The following RYR2 variants were observed in gnomAD, a reference collection of about 807,000 sequenced individuals.
RYR2 encodes the protein ryanodine receptor 2.
In RYR2, 227 loss-of-function variants were observed where a neutral mutation model predicts 601.1. The observed-to-expected ratio is 0.38, with a 90% confidence interval of 0.34 to 0.42. The LOEUF is 0.42. RYR2 is among the 10% of genes least tolerant of loss of function. RYR2 has a pLI of 1.00. For missense variants in RYR2, 4,646 were observed against 6,156.5 expected (o/e 0.75, Z 8.21); for synonymous variants, 2,223 against 2,175.1 (o/e 1.02, Z -0.61).
intron 17 of RYR2, among the ~76,000 whole-genome samples, chr1:237,484,288 T>C (rs747831798): frequency 5.5e-4 from 83 of 152,150 alleles, no homozygotes; most frequent in Non-Finnish European, 9.4e-4. Context: ...TCCACATACA[T>C]CTTGGTGTTC....
intron 47 of RYR2, 78 bp from the exon 48 acceptor site, chr1:237,643,249 A>G: frequency 6.4e-7 from 1 of 1,557,726 alleles, no homozygotes; most frequent in Non-Finnish European, 8.7e-7. Flanking sequence ...CTTGGATTCC[A>G]ATACTTCAGA....
intron 6 of RYR2, among the ~76,000 whole-genome samples, chr1:237,371,279 C>T (rs928044779): frequency 1.3e-5 from 2 of 152,118 alleles, no homozygotes; most frequent in African/African-American, 2.4e-5. Context: ...CTTCAACCTC[C>T]TGTGTAGCTA....
intron 1 of RYR2, among the ~76,000 whole-genome samples, chr1:237,056,319 G>A (rs923795598): frequency 7.0e-5 from 10 of 142,860 alleles, no homozygotes; most frequent in African/African-American, 2.6e-4. Flanking sequence ...GTGAGGACTG[G>A]AGCACTGCAC....
At chr1:237,302,635 A>T (rs900832443) in intron 2 of RYR2, among the ~76,000 whole-genome samples, 3 of 152,226 alleles carry the variant, frequency 2.0e-5, no homozygotes, top group Non-Finnish European at 2.9e-5. Context: ...GGCTTAGGAA[A>T]TAACAGGAAC....
chr1:237,163,776 G>C (rs1342283616), intron 1 of RYR2, among the ~76,000 whole-genome samples: 1 of 152,182 alleles, frequency 6.6e-6, no homozygotes, highest in African/African-American at 2.4e-5. Context: ...ACAATTGAGA[G>C]GTCTAGACTT....
intron 35 of RYR2, among the ~76,000 whole-genome samples, chr1:237,607,379 A>C (rs1677252128): frequency 6.7e-6 from 1 of 149,466 alleles, no homozygotes. Flanking sequence ...AACAATGAAA[A>C]CACTTGGACA....
chr1:237,205,815 A>G (rs1681749354), intron 1 of RYR2, among the ~76,000 whole-genome samples: 1 of 152,218 alleles, frequency 6.6e-6, no homozygotes, highest in Non-Finnish European at 1.5e-5. Context: ...TGCACTGGGC[A>G]GAGAGCCGTG....
intron 5 of RYR2, among the ~76,000 whole-genome samples, chr1:237,367,472 T>G (rs1431888927): frequency 6.6e-6 from 1 of 152,200 alleles, no homozygotes; most frequent in Non-Finnish European, 1.5e-5. Context: ...TCTGAGTTTT[T>G]TCAAACAAAA....
At chr1:237,275,236 G>A (rs977833899) in intron 2 of RYR2, among the ~76,000 whole-genome samples, 1 of 151,566 alleles carries the variant, frequency 6.6e-6, no homozygotes, top group Admixed American at 6.6e-5. Context: ...GGAGAATTGA[G>A]GCCAAAGTGT....
At chr1:237,384,090 T>C (rs1483307719) in intron 8 of RYR2, among the ~76,000 whole-genome samples, 1 of 152,210 alleles carries the variant, frequency 6.6e-6, no homozygotes, top group African/African-American at 2.4e-5. Flanking sequence ...AGCAGCAAAA[T>C]TGGAAGCATT....
At chr1:237,311,406 T>C (rs1313688647) in intron 2 of RYR2, among the ~76,000 whole-genome samples, 1 of 152,084 alleles carries the variant, frequency 6.6e-6, no homozygotes. Flanking sequence ...GTCATTACAG[T>C]GAGACATTTA....
chr1:237,247,291 T>C (rs1686950165), intron 1 of RYR2, among the ~76,000 whole-genome samples: 1 of 152,220 alleles, frequency 6.6e-6, no homozygotes, highest in African/African-American at 2.4e-5. Flanking sequence ...AAAAACTGCC[T>C]TTTCGCTACA....
chr1:237,531,062 T>C (rs1572742234), intron 25 of RYR2, among the ~76,000 whole-genome samples: 1 of 152,220 alleles, frequency 6.6e-6, no homozygotes, highest in East Asian at 1.9e-4. Context: ...AAAATTGTGT[T>C]ATTTTCCCAG....
At chr1:237,318,922 A>G (rs1017508294) in intron 2 of RYR2, among the ~76,000 whole-genome samples, 1 of 151,874 alleles carries the variant, frequency 6.6e-6, no homozygotes. Context: ...TTTCTCTCCT[A>G]TTCTTCTGAG....
intron 64 of RYR2, among the ~76,000 whole-genome samples, chr1:237,699,465 A>G (rs1687773717): frequency 6.6e-6 from 1 of 152,180 alleles, no homozygotes; most frequent in African/African-American, 2.4e-5. Context: ...ACGAATTCCC[A>G]TCTGTGTGCT....
At chr1:237,273,558 A>AGT (rs376513306) in intron 2 of RYR2, among the ~76,000 whole-genome samples, 1 of 151,562 alleles carries the variant, frequency 6.6e-6, no homozygotes, top group East Asian at 1.9e-4. Flanking sequence ...TTTAGGGGAG[A>AGT]GTGTCTTATG....
chr1:237,660,332 A>G (rs1247431135), intron 55 of RYR2, among the ~76,000 whole-genome samples: 1 of 151,690 alleles, frequency 6.6e-6, no homozygotes, highest in Non-Finnish European at 1.5e-5. Context: ...TTCCTCTCCC[A>G]TATTTTTAAG....
rs974349485 is a variant in RYR2 at position 237,669,029 on chromosome 1, C to T, written c.8590+1071C>T. On this transcript the variant is annotated intron_variant, in intron 58 of 104. Transcript: ENST00000366574. Reference sequence around the variant, plus strand: ...CTAGGCAGAGGACCCTGCGGCCTTCCGCAGTGTTTGTGTCCCTGGGTACTT... The same window carrying T: ...CTAGGCAGAGGACCCTGCGGCCTTCTGCAGTGTTTGTGTCCCTGGGTACTT... Among the ~76,000 whole-genome samples the T allele has an allele frequency of 4.0e-5, 6 of 151,052 alleles. No individual in the cohort carries two copies. In the East Asian group the frequency reaches 1.2e-3, roughly 29 times the overall value.
chr1:237,618,798 G>A (rs531661637), intron 38 of RYR2, among the ~76,000 whole-genome samples: 4 of 152,134 alleles, frequency 2.6e-5, no homozygotes, highest in Non-Finnish European at 5.9e-5. Flanking sequence ...GACAGAGCTG[G>A]GACTTTATCC....
Sources: allele counts gnomAD v4.1 joint callset (sites outside exome capture counted in the v4.1 genomes callset), GRCh38; gene constraint gnomAD v4.1.1; transcripts MANE v1.5; gene names NCBI Gene and HGNC (gene_info 2026-07-23, HGNC 2026-07-21).